AGBL4: variants seen among roughly 807,000 people sequenced by gnomAD.
AGBL4 encodes AGBL carboxypeptidase 4.
In AGBL4, 58 loss-of-function variants were observed where a neutral mutation model predicts 66.4. The ratio of observed to expected loss-of-function variants is 0.87; its 90% CI spans 0.71 to 1.09. The LOEUF (loss-of-function observed/expected upper bound fraction) is 1.09. AGBL4 is among the 50% of genes least tolerant of loss of function. The pLI is 0.00. For synonymous variants in AGBL4, 234 were observed against 222.9 expected (o/e 1.05, Z -0.44); for missense variants, 579 against 631.0 (o/e 0.92, Z 0.88).
chr1:48,953,273 C>G (rs78629505), intron 5 of AGBL4, among the ~76,000 whole-genome samples: 2 of 152,194 alleles, frequency 1.3e-5, no homozygotes, highest in Non-Finnish European at 2.9e-5. Context: ...ATCCCCATCA[C>G]TAAGTACCAG....
At chr1:49,869,475 T>C (rs565940832) in intron 1 of AGBL4, among the ~76,000 whole-genome samples, 25 of 152,284 alleles carry the variant, frequency 1.6e-4, no homozygotes, top group Non-Finnish European at 3.1e-4. Flanking sequence ...GCCATTATCC[T>C]CAGCAAATCC....
At chr1:49,672,631 G>A (rs553419168) in intron 3 of AGBL4, among the ~76,000 whole-genome samples, 2 of 151,930 alleles carry the variant, frequency 1.3e-5, no homozygotes, top group South Asian at 4.2e-4. Flanking sequence ...TCTTTGAAAA[G>A]ATAGAGAAGC....
chr1:49,555,180 C>T (rs1333926985), intron 3 of AGBL4, among the ~76,000 whole-genome samples: 4 of 152,162 alleles, frequency 2.6e-5, no homozygotes, highest in East Asian at 3.9e-4. Context: ...CTGATTGGTC[C>T]GTTTTGACAG....
chr1:49,615,716 G>T (rs564017229), intron 3 of AGBL4, among the ~76,000 whole-genome samples: 25 of 152,214 alleles, frequency 1.6e-4, no homozygotes, highest in African/African-American at 5.8e-4. Flanking sequence ...TGGAGCATTT[G>T]GGTTCTCTCT....
intron 6 of AGBL4, among the ~76,000 whole-genome samples, chr1:48,766,938 C>T (rs1443822580): frequency 6.6e-6 from 1 of 152,166 alleles, no homozygotes; most frequent in Non-Finnish European, 1.5e-5. Flanking sequence ...AAGAACCCAA[C>T]CAAAATGCAA....
Position 48,601,868 on chromosome 1 carries a change from C to T in AGBL4, c.952-10883G>A, listed in dbSNP as rs569876773. 4.2e-4 allele frequency among the ~76,000 whole-genome samples: 64 copies of T among 152,144 alleles called. 1 individual carries two copies. Among genetic ancestry groups the T allele is most frequent in the African/African-American group, 1.5e-3 (62 of 41,496 alleles). Reference sequence around the variant, plus strand: ...TCTGTATTGAAAGTGCACACAGATACAAGTAGAAAAGCCAGGCCTTCCCTC... The same window carrying T: ...TCTGTATTGAAAGTGCACACAGATATAAGTAGAAAAGCCAGGCCTTCCCTC... On this transcript the variant is annotated intron_variant, in intron 9 of 13. Coordinates refer to ENST00000371839, the MANE Select transcript of AGBL4 (RefSeq NM_032785.4).
At chr1:49,384,074 C>T (rs2148580390) in intron 3 of AGBL4, among the ~76,000 whole-genome samples, 1 of 152,094 alleles carries the variant, frequency 6.6e-6, no homozygotes, top group East Asian at 2.0e-4. Flanking sequence ...GGACTATAGG[C>T]ATGAGCCACC....
At chr1:48,863,173 G>T (rs760321543) in intron 6 of AGBL4, among the ~76,000 whole-genome samples, 1 of 152,158 alleles carries the variant, frequency 6.6e-6, no homozygotes, top group African/African-American at 2.4e-5. Flanking sequence ...TTATGTGGCT[G>T]AAAGAATGCT....
chr1:48,596,554 C>CA (rs1283231901), intron 9 of AGBL4, among the ~76,000 whole-genome samples: 1 of 152,020 alleles, frequency 6.6e-6, no homozygotes, highest in Non-Finnish European at 1.5e-5. Context: ...ATCAACCAAG[C>CA]AAATCAAATA....
intron 4 of AGBL4, among the ~76,000 whole-genome samples, chr1:49,192,228 T>C (rs1647134243): frequency 6.6e-6 from 1 of 152,312 alleles, no homozygotes; most frequent in African/African-American, 2.4e-5. Flanking sequence ...GTATTTTTTA[T>C]AAATTTGCTT....
chr1:49,451,913 G>T (rs1224066397), intron 3 of AGBL4, among the ~76,000 whole-genome samples: 1 of 151,912 alleles, frequency 6.6e-6, no homozygotes, highest in African/African-American at 2.4e-5. Flanking sequence ...AGAAGGTTAG[G>T]ATGGCTGAAC....
chr1:49,360,461 CAA>C (rs986787822), intron 3 of AGBL4, among the ~76,000 whole-genome samples: 1 of 152,080 alleles, frequency 6.6e-6, no homozygotes, highest in African/African-American at 2.4e-5. Context: ...TTTTTAGTAA[CAA>C]TGATTATGAA....
chr1:50,005,640 C>G (rs762829263), intron 1 of AGBL4, among the ~76,000 whole-genome samples: 2 of 152,134 alleles, frequency 1.3e-5, no homozygotes, highest in Admixed American at 6.5e-5. Context: ...GAAGACATGA[C>G]CTCAAACAAT....
At chr1:49,671,698 G>A (rs1284794478) in intron 3 of AGBL4, among the ~76,000 whole-genome samples, 1 of 152,004 alleles carries the variant, frequency 6.6e-6, no homozygotes, top group African/African-American at 2.4e-5. Context: ...CTTCTCAAAA[G>A]AAGACATACA....
At chr1:49,049,170 A>G (rs1201451113) in intron 4 of AGBL4, among the ~76,000 whole-genome samples, 1 of 152,004 alleles carries the variant, frequency 6.6e-6, no homozygotes, top group Non-Finnish European at 1.5e-5. Flanking sequence ...CCATACCTTC[A>G]ATATCTCTAT....
chr1:49,644,639 A>C (rs977661756), intron 3 of AGBL4, among the ~76,000 whole-genome samples: 10 of 151,540 alleles, frequency 6.6e-5, no homozygotes, highest in Admixed American at 1.3e-4. Flanking sequence ...AAAAGCTTCT[A>C]GGAGAAATAG....
chr1:49,429,401 A>G (rs1396021307), intron 3 of AGBL4, among the ~76,000 whole-genome samples: 5 of 152,198 alleles, frequency 3.3e-5, no homozygotes, highest in African/African-American at 7.2e-5. Flanking sequence ...TAGTATTAAT[A>G]ATGCCAGTTA....
At chr1:48,585,933 T>G (rs1470517284) in intron 11 of AGBL4, 2 of 151,294 alleles carry the variant, frequency 1.3e-5, no homozygotes, top group African/African-American at 2.4e-5. Flanking sequence ...TCACCAAGGG[T>G]TGAAAAAATG....
chr1:49,432,957 A>G (rs1053690257), intron 3 of AGBL4, among the ~76,000 whole-genome samples: 2 of 152,120 alleles, frequency 1.3e-5, no homozygotes, highest in Non-Finnish European at 2.9e-5. Flanking sequence ...CTAAACTGAT[A>G]ATCTAATGGC....
Sources: gnomAD v4.1 joint callset for allele counts (sites outside exome capture counted in the v4.1 genomes callset) on GRCh38, gnomAD v4.1.1 for gene constraint, MANE v1.5 for transcripts, NCBI Gene and HGNC (gene_info 2026-07-23, HGNC 2026-07-21) for gene names.